Variants in POLR3A observed in about 807,000 individuals in gnomAD.
POLR3A encodes RNA polymerase III subunit A, also known as DNA-directed RNA polymerase III subunit RPC1.
POLR3A carries 112 observed loss-of-function variants against 152.8 expected under a neutral mutation model. The observed-to-expected ratio is 0.73, with a 90% CI of 0.63 to 0.86. The LOEUF is 0.86. POLR3A is among the 40% of genes least tolerant of loss of function. The probability of loss-of-function intolerance (pLI) is 0.00; values close to 1 mark genes in which losing one functional copy is unlikely to be tolerated. For missense variants in POLR3A, 1,385 were observed against 1,743.1 expected, an observed-to-expected ratio of 0.79 and a Z score of 3.66; for synonymous variants, 615 against 652.1, an observed-to-expected ratio of 0.94 and a Z score of 0.87.
rs201700756 is a variant in POLR3A at position 78,029,442 on chromosome 10, G to C, written c.-35C>G. 2,686 of 1,612,992 alleles carry C rather than the reference G, an allele frequency of 1.7e-3. 8 individuals carry two copies. Among genetic ancestry groups the C allele is most frequent in the South Asian group, 2.1e-3 (194 of 91,056 alleles). On this transcript the variant is annotated 5_prime_UTR_variant, in exon 1 of 31. Coordinates refer to ENST00000372371, the MANE Select transcript of POLR3A (RefSeq NM_007055.4). The stretch of plus-strand genomic sequence containing the variant: ...TGCCGGGACGCCTCCTTGGCACTCG[G>C]GAGGCCAGATTAGAGAAACGATGCC...
chr10:78,005,193 A>G (rs1014803660), intron 15 of POLR3A, among the ~76,000 whole-genome samples: 35 of 152,368 alleles, frequency 2.3e-4, no homozygotes, highest in African/African-American at 7.9e-4. Context: ...GAGTGACATT[A>G]AACACTAAAG....
Position 78,009,849 on chromosome 10 carries a change from A to G in POLR3A, c.1770+15T>C, listed in dbSNP as rs781043527. The stretch of plus-strand genomic sequence containing the variant: ...TACACACACCTGTGCACCAACACAC[A>G]ACTCCCACACACACCTTTAGGATTG... On this transcript the variant is annotated intron_variant, in intron 13 of 30. Transcript: ENST00000372371. 6.2e-7 allele frequency: 1 copy of G among 1,613,732 alleles called. No individual in the cohort carries two copies.
intron 15 of POLR3A, among the ~76,000 whole-genome samples, chr10:78,006,928 G>A (rs970434575): frequency 1.4e-4 from 22 of 152,154 alleles, no homozygotes; most frequent in African/African-American, 5.3e-4. Flanking sequence ...AGACCAACCT[G>A]GGCAACATGG....
chr10:77,986,237 T>C (rs989804433), intron 21 of POLR3A, 78 bp from the exon 22 acceptor site: 2 of 819,674 alleles, frequency 2.4e-6, no homozygotes, highest in Non-Finnish European at 4.4e-6. Context: ...TAAACCTCAG[T>C]TGTATATGAC....
intron 10 of POLR3A, among the ~76,000 whole-genome samples, chr10:78,017,369 CCTG>C (rs546955191): frequency 8.5e-4 from 129 of 151,992 alleles, no homozygotes; most frequent in African/African-American, 2.7e-3. Flanking sequence ...CTTGCTTGGG[CCTG>C]GGAGGTCCAG....
rs192681455 is a variant in POLR3A, at chr10:77,980,418, C to T, written c.3892-145G>A. 481 of 746,050 alleles carry T rather than the reference C, an allele frequency of 6.4e-4. 8 individuals are homozygous for T. The East Asian group carries it at 0.011, about 16-fold the overall frequency. 46.2% of individuals were successfully genotyped at this position (746,050 alleles called of 1,614,324 possible). ...GAAAGGCCCTGAGGAGCTATGGGTC[C>T]GCCCTCTGTGTCCCATTGAGGTGGT... On this transcript the variant is annotated intron_variant, in intron 29 of 30. Transcript: ENST00000372371.
At chr10:78,029,336 C>A (rs1244726192) in intron 1 of POLR3A, 28 bp downstream of exon 1, 2 of 1,613,426 alleles carry the variant, frequency 1.2e-6, no homozygotes, top group Admixed American at 3.3e-5. Flanking sequence ...TATTTCTCAG[C>A]CCTTTGGCCA....
rs780564095 is a variant in POLR3A, at chr10:78,013,618, A to T, written c.1572+32T>A. On this transcript the variant is annotated intron_variant, in intron 11 of 30. Transcript: ENST00000372371. ...CTTTGCCTCCTTTCAAGGAGCTGTTATGCAAAAGCTGGGCTGTGCCACCCT... is the reference window on the plus strand; with the variant it reads ...CTTTGCCTCCTTTCAAGGAGCTGTTTTGCAAAAGCTGGGCTGTGCCACCCT... 6 of 1,611,342 alleles carry T rather than the reference A, an allele frequency of 3.7e-6. No homozygotes were observed. In the South Asian group the frequency reaches 5.5e-5, roughly 15 times the overall value.
chr10:77,984,013 C>T lies in POLR3A; in HGVS notation c.3337-1G>A, dbSNP rs1041175828. ...ACACTTCTTCAATATACTCGGAAAT[C>T]TGGAGTGTCAAAAGATCAGACTGTT... On this transcript the variant is annotated splice_acceptor_variant, in intron 25 of 30. Transcript: ENST00000372371. LOFTEE classifies it high-confidence loss of function. 2 of 1,596,466 alleles carry T rather than the reference C, an allele frequency of 1.3e-6. No individual in the cohort carries two copies. The highest frequency in any genetic ancestry group is 1.7e-6 in the Non-Finnish European group (2 of 1,164,430).
chr10:77,977,258 C>T lies in POLR3A; in HGVS notation c.*220G>A, dbSNP rs562337982. 6.2e-5 allele frequency: 36 copies of T among 580,840 alleles called. No individual in the cohort carries two copies. In the East Asian group the frequency reaches 8.9e-4, roughly 14 times the overall value. The allele number at this position is 580,840 out of a possible 1,614,324, so 36.0% of individuals were successfully genotyped here. On this transcript the variant is annotated 3_prime_UTR_variant, in exon 31 of 31. Transcript: ENST00000372371. ...GTTTCAAGCAAGCAAACAATAAAAC[C>T]CTCAGCTCTCCCGAGCAGCGTGGCA...
chr10:78,017,855 ATGTGCC>A, intron 9 of POLR3A, 139 bp from the exon 10 acceptor site: 1 of 1,025,032 alleles, frequency 9.8e-7, no homozygotes, highest in South Asian at 1.4e-5. Context: ...ATATAGTTTT[ATGTGCC>A]AAGAAAAAAG....
chr10:77,989,201 A>T (rs898300309), intron 21 of POLR3A, among the ~76,000 whole-genome samples: 4 of 152,260 alleles, frequency 2.6e-5, no homozygotes, highest in Non-Finnish European at 5.9e-5. Flanking sequence ...GAACGAACTC[A>T]CAACATGGCT....
intron 26 of POLR3A, among the ~76,000 whole-genome samples, chr10:77,983,035 C>T (rs183023633): frequency 6.6e-5 from 10 of 152,186 alleles, no homozygotes; most frequent in East Asian, 5.8e-4. Flanking sequence ...TTTTCACCCA[C>T]GACAAAATAT....
At chr10:78,026,811 T>C (rs991053528) in intron 1 of POLR3A, among the ~76,000 whole-genome samples, 9 of 152,216 alleles carry the variant, frequency 5.9e-5, no homozygotes, top group Admixed American at 6.5e-5. Flanking sequence ...CAACTGGACA[T>C]CTGTATAGAC....
chr10:78,024,906 A>G, intron 4 of POLR3A, 65 bp downstream of exon 4: 2 of 1,584,430 alleles, frequency 1.3e-6, no homozygotes, highest in Non-Finnish European at 1.7e-6. Context: ...TGTAAACCTA[A>G]TAAACTAAAC....
At chr10:77,988,920 G>A (rs1341832794) in intron 21 of POLR3A, among the ~76,000 whole-genome samples, 2 of 152,172 alleles carry the variant, frequency 1.3e-5, no homozygotes, top group Non-Finnish European at 2.9e-5. Flanking sequence ...CTTAGACCCA[G>A]AAGGTTTTCA....
At chr10:78,016,842 C>G (rs931466980) in intron 10 of POLR3A, among the ~76,000 whole-genome samples, 1 of 149,676 alleles carries the variant, frequency 6.7e-6, no homozygotes, top group Non-Finnish European at 1.5e-5. Context: ...CCACTGCACT[C>G]CAGCCTGGGT....
At position 78,025,685 on chromosome 10, in the gene POLR3A, A is replaced by G; in HGVS notation, c.255T>C (p.Tyr85=). 1 of 1,614,058 alleles carries G rather than the reference A, an allele frequency of 6.2e-7. No individual in the cohort carries two copies. Among genetic ancestry groups the G allele is most frequent in the Non-Finnish European group, 8.5e-7 (1 of 1,179,944 alleles). The change falls in exon 3 of 31, where the codon TAT becomes TAC. Residue 85 remains tyrosine (Y), a synonymous_variant. Transcript: ENST00000372371. ...GAAAACACGGCAACTCCAGGTCGAT[A>G]TACCCATAGTGGCCTAGACAGTCAG... ...NLADCLGHYG[Y]IDLELPCFHV...
intron 10 of POLR3A, among the ~76,000 whole-genome samples, chr10:78,014,644 C>T (rs977796897): frequency 2.0e-5 from 3 of 152,110 alleles, no homozygotes; most frequent in Non-Finnish European, 4.4e-5. Flanking sequence ...ACCTCATGAT[C>T]CGCCCACCTT....
Sources: allele counts gnomAD v4.1 joint callset (sites outside exome capture counted in the v4.1 genomes callset), GRCh38; gene constraint gnomAD v4.1.1; transcripts MANE v1.5; gene names NCBI Gene and HGNC (gene_info 2026-07-23, HGNC 2026-07-21).